The following GPC6 variants were observed in gnomAD, a reference collection of about 807,000 sequenced individuals.
The protein encoded by GPC6 is glypican-6.
Under a neutral mutation model 55.2 loss-of-function variants are expected in GPC6, and 14 were observed. That is an observed-to-expected ratio of 0.25 (90% CI 0.17 to 0.40). The LOEUF (loss-of-function observed/expected upper bound fraction) is 0.40, where lower values mean the gene tolerates loss of function less well. Ranked by LOEUF, GPC6 falls within the 10% of genes least tolerant of loss-of-function variation. The pLI is 1.00. For synonymous variants in GPC6, 278 were observed against 259.6 expected (o/e 1.07, Z -0.68); for missense variants, 641 against 708.5 (o/e 0.90, Z 1.08).
intron 1 of GPC6, among the ~76,000 whole-genome samples, chr13:93,447,664 A>G (rs1878057832): frequency 6.6e-6 from 1 of 152,224 alleles, no homozygotes; most frequent in African/African-American, 2.4e-5. Flanking sequence ...TATACATGAA[A>G]TGTTATATAA....
intron 4 of GPC6, among the ~76,000 whole-genome samples, chr13:94,059,704 G>T (rs1178495972): frequency 6.6e-6 from 1 of 151,726 alleles, no homozygotes; most frequent in Non-Finnish European, 1.5e-5. Flanking sequence ...CCCGCTGCTT[G>T]CTTTATATAA....
At position 93,418,865 on chromosome 13, in the gene GPC6, G is replaced by A. The variant is rs188447134; in HGVS notation, c.161-126398G>A. Reference sequence around the variant, plus strand: ...ATACCGTAGCATCACTTTATTAATGGCACTATACCATAGTATTATTTTATT... The same window carrying A: ...ATACCGTAGCATCACTTTATTAATGACACTATACCATAGTATTATTTTATT... On this transcript the variant is annotated intron_variant, in intron 1 of 8. Coordinates refer to ENST00000377047, the MANE Select transcript of GPC6 (RefSeq NM_005708.5). 2.4e-3 allele frequency among the ~76,000 whole-genome samples: 363 copies of A among 150,022 alleles called. 1 individual carries two copies. Among genetic ancestry groups the A allele is most frequent in the African/African-American group, 8.2e-3 (332 of 40,590 alleles).
chr13:94,352,867 A>G (rs1287982312), intron 6 of GPC6, among the ~76,000 whole-genome samples: 1 of 152,210 alleles, frequency 6.6e-6, no homozygotes, highest in Non-Finnish European at 1.5e-5. Context: ...AAGGTGGCTT[A>G]GCTACTGGGG....
At chr13:93,334,049 C>G (rs564856688) in intron 1 of GPC6, among the ~76,000 whole-genome samples, 2 of 152,042 alleles carry the variant, frequency 1.3e-5, no homozygotes, top group Non-Finnish European at 2.9e-5. Flanking sequence ...TTAATTATGA[C>G]TTTTTACATT....
At chr13:93,560,652 G>A (rs1001252339) in intron 2 of GPC6, among the ~76,000 whole-genome samples, 3 of 151,718 alleles carry the variant, frequency 2.0e-5, no homozygotes, top group Admixed American at 6.6e-5. Flanking sequence ...TCAGGAGATC[G>A]AGAACATCCT....
chr13:94,346,242 A>G (rs919605671), intron 6 of GPC6, among the ~76,000 whole-genome samples: 32 of 152,348 alleles, frequency 2.1e-4, no homozygotes, highest in Admixed American at 1.1e-3. Flanking sequence ...GTAATGTTTT[A>G]GGAAACATAA....
intron 4 of GPC6, among the ~76,000 whole-genome samples, chr13:94,150,778 G>A (rs1422262902): frequency 7.6e-6 from 1 of 131,810 alleles, no homozygotes; most frequent in Non-Finnish European, 1.6e-5. Flanking sequence ...CAAAGAATAA[G>A]TAGGATCAAA....
chr13:94,267,844 A>G (rs913080536), intron 4 of GPC6, among the ~76,000 whole-genome samples: 2 of 152,214 alleles, frequency 1.3e-5, no homozygotes, highest in African/African-American at 4.8e-5. Context: ...GCTGTTGTGC[A>G]GTGTGGCATT....
intron 5 of GPC6, among the ~76,000 whole-genome samples, chr13:94,303,261 CT>C (rs1454368170): frequency 6.6e-6 from 1 of 152,226 alleles, no homozygotes; most frequent in Non-Finnish European, 1.5e-5. Context: ...ATCATTGTCC[CT>C]CCCCCTGTGC....
At chr13:94,315,395 C>A (rs1876472724) in intron 6 of GPC6, among the ~76,000 whole-genome samples, 1 of 152,188 alleles carries the variant, frequency 6.6e-6, no homozygotes, top group South Asian at 2.1e-4. Context: ...GTGGTCATCA[C>A]CCTTACTCCA....
At chr13:94,036,512 T>C (rs942092803) in intron 4 of GPC6, among the ~76,000 whole-genome samples, 1 of 151,978 alleles carries the variant, frequency 6.6e-6, no homozygotes, top group African/African-American at 2.4e-5. Context: ...TCTAGAAACA[T>C]AACAGCGATA....
chr13:94,009,133 A>G (rs1198681931), intron 3 of GPC6, among the ~76,000 whole-genome samples: 3 of 152,134 alleles, frequency 2.0e-5, no homozygotes, highest in Non-Finnish European at 4.4e-5. Flanking sequence ...TTTGTTGCAA[A>G]TTTTTTCCTT....
chr13:93,816,568 A>T (rs7986675), intron 2 of GPC6, among the ~76,000 whole-genome samples: 63,764 of 150,968 alleles, frequency 0.42, 14,649 homozygotes, highest in African/African-American at 0.6. Context: ...CCATGGTAGA[A>T]TTATTAGACA....
At chr13:93,956,918 A>G (rs1879533048) in intron 3 of GPC6, among the ~76,000 whole-genome samples, 1 of 152,214 alleles carries the variant, frequency 6.6e-6, no homozygotes, top group Non-Finnish European at 1.5e-5. Context: ...AATCTAGATA[A>G]AAACAGCCGC....
chr13:93,376,508 C>T (rs1874904972), intron 1 of GPC6, among the ~76,000 whole-genome samples: 1 of 152,136 alleles, frequency 6.6e-6, no homozygotes, highest in Non-Finnish European at 1.5e-5. Context: ...AATTATTGAA[C>T]TCCTGTGAAG....
chr13:94,090,358 G>T (rs1159850298), intron 4 of GPC6, among the ~76,000 whole-genome samples: 1 of 152,082 alleles, frequency 6.6e-6, no homozygotes, highest in African/African-American at 2.4e-5. Context: ...AGATTTGGGT[G>T]GAGAGACAGC....
intron 4 of GPC6, among the ~76,000 whole-genome samples, chr13:94,261,353 A>AAAGAGG (rs1219730723): frequency 6.6e-6 from 1 of 152,192 alleles, no homozygotes; most frequent in African/African-American, 2.4e-5. Context: ...TGTTCTTGAA[A>AAAGAGG]AAGAGGAAGC....
chr13:93,270,975 C>T (rs1208987587), intron 1 of GPC6, among the ~76,000 whole-genome samples: 3 of 152,206 alleles, frequency 2.0e-5, no homozygotes, highest in Admixed American at 6.5e-5. Context: ...AATAGACTTG[C>T]ACCCGTAGTT....
At chr13:94,270,964 ATTTTTTTTTTTTTT>A (rs764819082) in intron 4 of GPC6, among the ~76,000 whole-genome samples, 26 of 49,670 alleles carry the variant, frequency 5.2e-4, no homozygotes, top group Non-Finnish European at 8.1e-4. Flanking sequence ...GAGAAGTATA[ATTTTTTTTTTTTTT>A]TTTTTTTTTT....
Sources: gnomAD v4.1 joint callset for allele counts (sites outside exome capture counted in the v4.1 genomes callset) on GRCh38, gnomAD v4.1.1 for gene constraint, MANE v1.5 for transcripts, NCBI Gene and HGNC (gene_info 2026-07-23, HGNC 2026-07-21) for gene names.